ALG9: variants seen among roughly 807,000 people sequenced by gnomAD.
ALG9 encodes the protein alpha-1,2-mannosyltransferase ALG9.
In ALG9, 55 loss-of-function variants were observed where a neutral mutation model predicts 81.8. That is an observed-to-expected ratio of 0.67 (90% CI 0.54 to 0.84). The LOEUF (loss-of-function observed/expected upper bound fraction) is 0.84. ALG9 is among the 40% of genes least tolerant of loss of function. ALG9 has a pLI of 0.00. For missense variants in ALG9, 629 were observed against 745.0 expected (o/e 0.84, Z 1.81); for synonymous variants, 278 against 274.3 (o/e 1.01, Z -0.13).
chr11:111,870,092 C>T, intron 2 of ALG9, 140 bp downstream of exon 2: 4 of 1,061,254 alleles, frequency 3.8e-6, no homozygotes, highest in Non-Finnish European at 5.1e-6. Flanking sequence ...GATTATAGGC[C>T]TGTTTTTTTG....
At chr11:111,787,694 G>A (rs1946685459) in intron 14 of ALG9, among the ~76,000 whole-genome samples, 1 of 151,786 alleles carries the variant, frequency 6.6e-6, no homozygotes, top group East Asian at 2.0e-4. Context: ...TCCTGACCTC[G>A]TGATCCGCCT....
intron 8 of ALG9, 109 bp from the exon 9 acceptor site, chr11:111,844,832 C>T: frequency 7.9e-7 from 1 of 1,272,214 alleles, no homozygotes; most frequent in Non-Finnish European, 1.1e-6. Context: ...TCCTATGCCT[C>T]ATGGGAATGA....
At chr11:111,863,137 C>T (rs1259270334) in intron 4 of ALG9, among the ~76,000 whole-genome samples, 3 of 151,906 alleles carry the variant, frequency 2.0e-5, no homozygotes, top group Non-Finnish European at 4.4e-5. Context: ...TTTGGGAGGC[C>T]GAGGCGGGCA....
At chr11:111,786,599 TAAAC>T (rs1386986305) in intron 14 of ALG9, 79 bp from the exon 15 acceptor site, 6 of 1,449,138 alleles carry the variant, frequency 4.1e-6, no homozygotes, top group African/African-American at 2.8e-5. Context: ...TTAAAATAAA[TAAAC>T]TAATCTGTAG....
chr11:111,820,595 C>T (rs1952175346), intron 13 of ALG9, among the ~76,000 whole-genome samples: 1 of 152,204 alleles, frequency 6.6e-6, no homozygotes, highest in Admixed American at 6.5e-5. Context: ...GTTCCCAATA[C>T]ATGAACTTTG....
At chr11:111,775,576 A>C in the ALG9 span, among the ~76,000 whole-genome samples, 9 of 152,264 alleles carry the variant, frequency 5.9e-5, no homozygotes, top group African/African-American at 1.9e-4. Flanking sequence ...TGGTTACTGG[A>C]AGTGGACTAA....
intron 13 of ALG9, among the ~76,000 whole-genome samples, chr11:111,811,071 C>T (rs1950634002): frequency 6.6e-6 from 1 of 152,144 alleles, no homozygotes; most frequent in Non-Finnish European, 1.5e-5. Context: ...TCTACAAATA[C>T]ATTTTGGAAT....
rs147535416 is a variant in ALG9 at position 111,835,830 on chromosome 11, A to G, written c.1602+335T>C. 8.5e-3 allele frequency among the ~76,000 whole-genome samples: 1,299 copies of G among 152,244 alleles called. 10 individuals carry two copies. Among genetic ancestry groups the G allele is most frequent in the Middle Eastern group, 0.014 (4 of 294 alleles). On this transcript the variant is annotated intron_variant, in intron 13 of 14. Coordinates refer to ENST00000616540, the MANE Select transcript of ALG9 (RefSeq NM_024740.2). ...CAGTAGCGGAATCATGGCCTACTGC[A>G]GCCTTGAACTCCGAGGCTCAAGTGA...
At chr11:111,768,232 G>A in the ALG9 span, among the ~76,000 whole-genome samples, 20 of 152,188 alleles carry the variant, frequency 1.3e-4, no homozygotes, top group African/African-American at 4.8e-4. Context: ...AAAAGAAGCT[G>A]AGCTATAGCA....
chr11:111,838,565 T>C (rs1161142953), intron 10 of ALG9, among the ~76,000 whole-genome samples, 166 bp from the exon 11 acceptor site: 1 of 152,222 alleles, frequency 6.6e-6, no homozygotes, highest in African/African-American at 2.4e-5. Flanking sequence ...TAAGACTACC[T>C]GTAGTCTTGG....
the ALG9 span, chr11:111,771,335 G>A: frequency 6.6e-6 from 1 of 152,488 alleles, no homozygotes; most frequent in South Asian, 2.1e-4. Context: ...AGGAGGCTGA[G>A]GCAGGAGAAT....
intron 8 of ALG9, chr11:111,849,666 C>G (rs1185538518): frequency 6.6e-6 from 1 of 151,724 alleles, no homozygotes. Flanking sequence ...GTATGTTGCT[C>G]CCCTCCCTGT....
At chr11:111,806,686 C>A (rs1392341737) in intron 14 of ALG9, among the ~76,000 whole-genome samples, 2 of 152,144 alleles carry the variant, frequency 1.3e-5, no homozygotes, top group East Asian at 1.9e-4. Flanking sequence ...CATCTAAATG[C>A]CAATAGTTCT....
At chr11:111,838,434 TA>T (rs1555119983) in intron 10 of ALG9, 35 bp from the exon 11 acceptor site, 5 of 1,557,834 alleles carry the variant, frequency 3.2e-6, no homozygotes, top group Admixed American at 1.7e-5. Context: ...AGAATATACA[TA>T]ATTACAAGAC....
chr11:111,856,074 C>T (rs1465910670), intron 6 of ALG9, among the ~76,000 whole-genome samples: 3 of 151,900 alleles, frequency 2.0e-5, no homozygotes, highest in East Asian at 1.9e-4. Flanking sequence ...GTCAGGAGTT[C>T]GAGACCAGCC....
In ALG9 at chr11:111,783,895, G is replaced by T. The variant is rs1482753175; in HGVS notation, c.*2502C>A. 4 of 132,064 alleles carry T rather than the reference G, an allele frequency of 3.0e-5. No individual in the cohort carries two copies. The Admixed American group carries it at 3.3e-4, about 11-fold the overall frequency. The allele number at this position is 132,064 out of a possible 1,614,324, so 8.2% of individuals were successfully genotyped here. On this transcript the variant is annotated 3_prime_UTR_variant, in exon 15 of 15. Transcript: ENST00000616540. ...TGCATCAGTCCTGGCCTTTCTTTGC[G>T]CTATATTATAATTAAGGTTTTGTTT...
the ALG9 span, among the ~76,000 whole-genome samples, chr11:111,776,625 C>A: frequency 2.0e-5 from 3 of 152,112 alleles, no homozygotes; most frequent in Non-Finnish European, 2.9e-5. Context: ...ACCAAACCAA[C>A]AAACAAAATA....
Position 111,786,470 on chromosome 11 carries a change from T to C in ALG9, c.1784A>G (p.Tyr595Cys), listed in dbSNP as rs782235069. ...GATGGTGTAGTTTACGTACACTGTA[T>C]ACTGATCTGACAGGAAGGGGACATA... ...AFYVPFLSDQ[Y>C]TVYVNYTILK... The change falls in exon 15 of 15, where the codon TAT becomes TGT. Residue 595 changes from tyrosine to cysteine, a missense_variant. By Grantham distance (194) the Tyr-to-Cys change is radical. Around this residue, in one of 3 missense-constraint regions of ALG9, gnomAD observed 264 missense variants for 302.2 expected, o/e 0.87. Transcript: ENST00000616540. 6.2e-7 allele frequency: 1 copy of C among 1,614,140 alleles called. No homozygotes were observed.
intron 10 of ALG9, among the ~76,000 whole-genome samples, chr11:111,839,485 T>C (rs1161549489): frequency 5.4e-5 from 8 of 149,010 alleles, no homozygotes; most frequent in Non-Finnish European, 1.0e-4. Context: ...CCCGGGGGAC[T>C]GAGGCAGGAG....
Sources: allele counts gnomAD v4.1 joint callset (sites outside exome capture counted in the v4.1 genomes callset), GRCh38; gene constraint gnomAD v4.1.1; regional missense constraint gnomAD v4.1.1; transcripts MANE v1.5; gene names NCBI Gene and HGNC (gene_info 2026-07-23, HGNC 2026-07-21).